PDE1C: variants seen among roughly 807,000 people sequenced by gnomAD.
The protein encoded by PDE1C is dual specificity calcium/calmodulin-dependent 3',5'-cyclic nucleotide phosphodiesterase 1C.
Under a neutral mutation model 93.1 loss-of-function variants are expected in PDE1C, and 62 were observed. The observed-to-expected ratio is 0.67, with a 90% CI of 0.54 to 0.82. The LOEUF (loss-of-function observed/expected upper bound fraction) is 0.82, where lower values mean the gene tolerates loss of function less well. Among genes scored for constraint, PDE1C ranks in the 40% least tolerant of loss-of-function variants. The pLI, the probability that PDE1C is intolerant of heterozygous loss-of-function variation, is 0.00. For synonymous variants in PDE1C, 325 were observed against 310.1 expected (o/e 1.05, Z -0.50); for missense variants, 742 against 884.6 (o/e 0.84, Z 2.04).
At chr7:31,696,929 G>T in the PDE1C span, 1 of 1,604,760 alleles carries the variant, frequency 6.2e-7, no homozygotes, top group South Asian at 1.1e-5. Flanking sequence ...ATATGTATTT[G>T]ATCCTGTTTC....
intron 2 of PDE1C, among the ~76,000 whole-genome samples, chr7:32,182,499 G>A (rs548024308): frequency 5.3e-5 from 8 of 152,200 alleles, no homozygotes; most frequent in South Asian, 2.1e-4. Flanking sequence ...TTCAACATAC[G>A]CAAATCAATA....
At chr7:31,643,193 A>G in the PDE1C span, 5 of 1,613,972 alleles carry the variant, frequency 3.1e-6, no homozygotes, top group Non-Finnish European at 4.2e-6. Context: ...ACTCAAGACA[A>G]GTTCCTTCAT....
chr7:31,908,865 A>T (rs905520343), intron 2 of PDE1C, among the ~76,000 whole-genome samples: 1 of 152,234 alleles, frequency 6.6e-6, no homozygotes, highest in Admixed American at 6.5e-5. Flanking sequence ...ATTAAAATCC[A>T]TAATCACTTG....
At chr7:31,719,976 C>T in the PDE1C span, among the ~76,000 whole-genome samples, 3 of 150,770 alleles carry the variant, frequency 2.0e-5, no homozygotes, top group Non-Finnish European at 4.4e-5. Flanking sequence ...TCCTGGCTAA[C>T]AAGGTGAAAC....
chr7:31,968,995 G>T (rs1484978836), intron 2 of PDE1C, among the ~76,000 whole-genome samples: 1 of 152,162 alleles, frequency 6.6e-6, no homozygotes, highest in East Asian at 1.9e-4. Flanking sequence ...ATGGATTGAA[G>T]ACTTAAATGA....
chr7:31,920,013 C>T (rs1802403747), intron 2 of PDE1C, among the ~76,000 whole-genome samples: 2 of 152,198 alleles, frequency 1.3e-5, no homozygotes, highest in Admixed American at 1.3e-4. Flanking sequence ...TGCTCATCCT[C>T]TCCACTATTC....
chr7:32,238,905 T>C (rs938614345), intron 1 of PDE1C, among the ~76,000 whole-genome samples: 2 of 152,120 alleles, frequency 1.3e-5, no homozygotes, highest in Non-Finnish European at 2.9e-5. Context: ...CCTCAGGGTA[T>C]GAAAGGACTC....
At position 32,240,866 on chromosome 7, in the gene PDE1C, C is replaced by T. The variant is rs75815054; in HGVS notation, c.86-31327G>A. Among the ~76,000 whole-genome samples, 10 of 151,944 alleles carry T rather than the reference C, an allele frequency of 6.6e-5. No individual in the cohort carries two copies. The East Asian group carries it at 1.2e-3, about 18-fold the overall frequency. ...ACAAGATTCAGTCAAGAGAAAATAG[C>T]GATTTGGTCAAAAAGGAGAGCTGAA... On this transcript the variant is annotated intron_variant, in intron 1 of 18. Transcript: ENST00000396193.
chr7:31,963,255 G>C (rs555465830), intron 2 of PDE1C, among the ~76,000 whole-genome samples: 7 of 152,040 alleles, frequency 4.6e-5, no homozygotes, highest in African/African-American at 1.7e-4. Flanking sequence ...TTAAAAAAAA[G>C]GTGGGAAATT....
At chr7:32,056,579 G>T (rs1040653496) in intron 1 of PDE1C, among the ~76,000 whole-genome samples, 2 of 152,018 alleles carry the variant, frequency 1.3e-5, no homozygotes, top group Admixed American at 6.6e-5. Context: ...TGTAAAATTT[G>T]GGTAACAGCA....
the PDE1C span, among the ~76,000 whole-genome samples, chr7:31,675,472 C>T: frequency 6.6e-6 from 1 of 152,098 alleles, no homozygotes. Flanking sequence ...CTTGCCCCAA[C>T]ATCCCCCACT....
chr7:31,940,081 C>T (rs958494902), intron 2 of PDE1C, among the ~76,000 whole-genome samples: 1 of 152,200 alleles, frequency 6.6e-6, no homozygotes, highest in Non-Finnish European at 1.5e-5. Flanking sequence ...ATCGCAAATG[C>T]TCAAGCCCCA....
At chr7:31,798,956 T>C (rs1785649267) in intron 16 of PDE1C, among the ~76,000 whole-genome samples, 2 of 151,658 alleles carry the variant, frequency 1.3e-5, no homozygotes, top group African/African-American at 4.8e-5. Flanking sequence ...ATAAAGACAA[T>C]CCAAAACTAT....
At chr7:32,046,144 C>T (rs1213647002) in intron 2 of PDE1C, among the ~76,000 whole-genome samples, 2 of 151,806 alleles carry the variant, frequency 1.3e-5, no homozygotes, top group Non-Finnish European at 2.9e-5. Context: ...CAATTATCTG[C>T]ACATGTCTGT....
chr7:31,858,139 A>G (rs1222292426), intron 7 of PDE1C, among the ~76,000 whole-genome samples: 2 of 152,192 alleles, frequency 1.3e-5, no homozygotes, highest in Non-Finnish European at 2.9e-5. Context: ...AAGCAGACAG[A>G]AGAGAAAACA....
chr7:31,652,017 C>T, the PDE1C span: 2 of 1,603,298 alleles, frequency 1.2e-6, no homozygotes, highest in Non-Finnish European at 1.7e-6. Context: ...AGTTAGGAGA[C>T]CGGGCTCAGC....
chr7:31,680,616 C>T, the PDE1C span, among the ~76,000 whole-genome samples: 79 of 152,252 alleles, frequency 5.2e-4, no homozygotes, highest in African/African-American at 1.2e-3. Flanking sequence ...GGGAATTTAA[C>T]GGAAGGTAGC....
intron 2 of PDE1C, among the ~76,000 whole-genome samples, chr7:32,189,544 T>C (rs911520274): frequency 1.3e-5 from 2 of 152,200 alleles, no homozygotes; most frequent in Admixed American, 6.5e-5. Context: ...CTGCCTAGTA[T>C]TCCTTTGGGA....
chr7:31,906,733 C>T (rs1800637955), intron 2 of PDE1C, among the ~76,000 whole-genome samples: 2 of 152,150 alleles, frequency 1.3e-5, no homozygotes, highest in Admixed American at 1.3e-4. Flanking sequence ...TAATGCCTTC[C>T]ATTCCAAAGC....
Sources: allele counts gnomAD v4.1 joint callset (sites outside exome capture counted in the v4.1 genomes callset), GRCh38; gene constraint gnomAD v4.1.1; transcripts MANE v1.5; gene names NCBI Gene and HGNC (gene_info 2026-07-23, HGNC 2026-07-21).